Variants in KALRN observed in about 807,000 individuals in gnomAD.
KALRN encodes the protein kalirin.
KALRN carries 70 observed loss-of-function variants against 353.7 expected under a neutral mutation model. That is an observed-to-expected ratio of 0.20 (90% confidence interval 0.16 to 0.24). The LOEUF (loss-of-function observed/expected upper bound fraction) is 0.24, where lower values mean the gene tolerates loss of function less well. Ranked by LOEUF, KALRN falls within the 10% of genes least tolerant of loss-of-function variation. The pLI is 1.00. For missense variants in KALRN, 2,791 were observed against 3,756.7 expected (o/e 0.74, Z 6.72); for synonymous variants, 1,391 against 1,434.8 (o/e 0.97, Z 0.69).
intron 5 of KALRN, among the ~76,000 whole-genome samples, chr3:124,271,386 G>A (rs1156503116): frequency 6.6e-6 from 1 of 152,158 alleles, no homozygotes; most frequent in East Asian, 1.9e-4. Context: ...CAAGTAAACG[G>A]CATACCATAG....
At chr3:124,641,360 G>C (rs1024412851) in intron 37 of KALRN, among the ~76,000 whole-genome samples, 105 of 152,116 alleles carry the variant, frequency 6.9e-4, no homozygotes, top group African/African-American at 2.5e-3. Flanking sequence ...CACTTTTTCT[G>C]GGTTTTGCAT....
At chr3:124,053,827 A>G (rs1398441383) in intron 1 of KALRN, among the ~76,000 whole-genome samples, 3 of 152,244 alleles carry the variant, frequency 2.0e-5, no homozygotes, top group Non-Finnish European at 2.9e-5. Context: ...TAAAATTCCC[A>G]TCACCTAGCA....
intron 5 of KALRN, among the ~76,000 whole-genome samples, chr3:124,296,357 G>A (rs1420851914): frequency 6.6e-6 from 1 of 152,264 alleles, no homozygotes; most frequent in East Asian, 1.9e-4. Flanking sequence ...CATGCCAGAA[G>A]CCTGGCTGTT....
chr3:124,650,761 G>T, intron 37 of KALRN, 47 bp from the exon 38 acceptor site: 1 of 1,581,936 alleles, frequency 6.3e-7, no homozygotes, highest in South Asian at 1.1e-5. Flanking sequence ...GATTCCAAAT[G>T]ACTTTTCAAA....
chr3:124,299,045 T>A, intron 6 of KALRN, 132 bp downstream of exon 6: 2 of 1,223,930 alleles, frequency 1.6e-6, no homozygotes, highest in Non-Finnish European at 2.3e-6. Context: ...GTTCCATTTG[T>A]TGGAATGGGG....
intron 11 of KALRN, among the ~76,000 whole-genome samples, chr3:124,394,041 C>T (rs512765): frequency 0.95 from 144,340 of 152,308 alleles, 68,885 homozygotes; most frequent in East Asian, 1. Flanking sequence ...GGGAAGACTT[C>T]AAGATGTTAG....
chr3:124,455,067 T>G, intron 21 of KALRN, 110 bp from the exon 22 acceptor site: 1 of 1,121,986 alleles, frequency 8.9e-7, no homozygotes, highest in Non-Finnish European at 1.3e-6. Context: ...CATACCCAGG[T>G]AGTCAGCTAT....
chr3:124,091,169 T>A (rs1418765736), intron 1 of KALRN, among the ~76,000 whole-genome samples: 3 of 151,868 alleles, frequency 2.0e-5, no homozygotes, highest in Non-Finnish European at 4.4e-5. Flanking sequence ...TCTGCTGGAG[T>A]GTTTGATTCA....
intron 49 of KALRN, chr3:124,677,559 G>A (rs761628378): frequency 5.5e-5 from 25 of 456,588 alleles, no homozygotes; most frequent in South Asian, 3.1e-4. Flanking sequence ...CAAACACTGA[G>A]TGATATGGAG....
At chr3:124,467,369 G>A (rs1461361983) in intron 25 of KALRN, among the ~76,000 whole-genome samples, 1 of 152,226 alleles carries the variant, frequency 6.6e-6, no homozygotes, top group Non-Finnish European at 1.5e-5. Flanking sequence ...ATTGAACCCA[G>A]CCTCTGCCCT....
At chr3:124,401,502 C>T (rs1576608439) in intron 13 of KALRN, among the ~76,000 whole-genome samples, 1 of 152,156 alleles carries the variant, frequency 6.6e-6, no homozygotes. Context: ...GAGACCCTGT[C>T]TCAGAAAAAA....
Position 124,493,202 on chromosome 3 carries a change from G to A in KALRN, c.4832+320G>A, listed in dbSNP as rs936249296. On this transcript the variant is annotated intron_variant, in intron 32 of 59. Transcript: ENST00000682506. ...ACATGAAATAGACCAGAAGAACCAC[G>A]TATAGGGATCATAAATTCTATAAGA... Among the ~76,000 whole-genome samples the A allele has an allele frequency of 4.6e-5, 7 of 152,324 alleles. No homozygotes were observed. The South Asian group carries it at 6.2e-4, about 14-fold the overall frequency.
intron 45 of KALRN, among the ~76,000 whole-genome samples, chr3:124,664,734 C>T (rs2085408845): frequency 1.3e-5 from 2 of 152,324 alleles, no homozygotes; most frequent in South Asian, 4.1e-4. Flanking sequence ...AAGTTAAGCA[C>T]TGCTGTCTCT....
At chr3:124,079,560 G>A (rs2060434394) in intron 1 of KALRN, among the ~76,000 whole-genome samples, 1 of 152,162 alleles carries the variant, frequency 6.6e-6, no homozygotes, top group Non-Finnish European at 1.5e-5. Context: ...CCACCTGTGG[G>A]ATTTGGAATT....
chr3:124,040,335 T>C (rs1417549511), intron 1 of KALRN, among the ~76,000 whole-genome samples: 2 of 152,244 alleles, frequency 1.3e-5, no homozygotes, highest in Non-Finnish European at 2.9e-5. Flanking sequence ...TTTGATAGTT[T>C]ACTGCTGGAG....
chr3:124,183,605 G>A (rs562524952), intron 1 of KALRN, among the ~76,000 whole-genome samples: 4 of 152,116 alleles, frequency 2.6e-5, no homozygotes, highest in Non-Finnish European at 4.4e-5. Context: ...GGACACAGAG[G>A]GACAACTGTG....
rs575175078 is a variant in KALRN at position 124,271,956 on chromosome 3, C to T, written c.969+2701C>T. Among the ~76,000 whole-genome samples, 55 of 152,196 alleles carry T rather than the reference C, an allele frequency of 3.6e-4. 1 individual carries two copies. Among genetic ancestry groups the T allele is most frequent in the African/African-American group, 1.3e-3 (54 of 41,532 alleles). On this transcript the variant is annotated intron_variant, in intron 5 of 59. Coordinates refer to ENST00000682506, the MANE Select transcript of KALRN (RefSeq NM_001388419.1). ...ACAGAAAACCAAATACCACAGGTTC[C>T]GACTTATAAGTGGGAGGTAATCATT...
intron 37 of KALRN, among the ~76,000 whole-genome samples, chr3:124,648,888 G>C (rs967417828): frequency 3.9e-5 from 6 of 152,218 alleles, no homozygotes; most frequent in African/African-American, 1.4e-4. Context: ...ACAGGTTACA[G>C]ATCCTGTATC....
chr3:124,620,094 TG>T (rs1183633345), intron 34 of KALRN, among the ~76,000 whole-genome samples: 1 of 152,142 alleles, frequency 6.6e-6, no homozygotes, highest in African/African-American at 2.4e-5. Context: ...GTTTTTGTTT[TG>T]TTTTGGTTTT....
Sources: gnomAD v4.1 joint callset for allele counts (sites outside exome capture counted in the v4.1 genomes callset) on GRCh38, gnomAD v4.1.1 for gene constraint, MANE v1.5 for transcripts, NCBI Gene and HGNC (gene_info 2026-07-23, HGNC 2026-07-21) for gene names.